The following RAB38 variants were observed in gnomAD, a reference collection of about 807,000 sequenced individuals.
RAB38 encodes RAB38, member RAS oncogene family, also known as ras-related protein Rab-38.
In RAB38, 15 loss-of-function variants were observed where a neutral mutation model predicts 18.4. That is an observed-to-expected ratio of 0.82 (90% CI 0.55 to 1.26). The LOEUF (loss-of-function observed/expected upper bound fraction) is 1.26. Among genes scored for constraint, RAB38 ranks in the 50% most tolerant of loss-of-function variants. The probability of loss-of-function intolerance (pLI) is 0.00; values close to 1 mark genes in which losing one functional copy is unlikely to be tolerated. For missense variants in RAB38, 294 were observed against 267.4 expected, an observed-to-expected ratio of 1.10 and a Z score of -0.69; for synonymous variants, 101 against 104.4, an observed-to-expected ratio of 0.97 and a Z score of 0.20.
At chr11:87,938,619 G>GTTTT in the RAB38 span, among the ~76,000 whole-genome samples, 196 of 99,824 alleles carry the variant, frequency 2.0e-3, 1 homozygote, top group African/African-American at 7.3e-3. Context: ...GCTCTTTTCC[G>GTTTT]TTTTTTTTTT....
At chr11:87,889,337 T>C in the RAB38 span, among the ~76,000 whole-genome samples, 1 of 151,894 alleles carries the variant, frequency 6.6e-6, no homozygotes, top group Non-Finnish European at 1.5e-5. Context: ...CCAAACCACA[T>C]GTGCTGTTCT....
At chr11:87,926,103 C>T in the RAB38 span, among the ~76,000 whole-genome samples, 1 of 151,490 alleles carries the variant, frequency 6.6e-6, no homozygotes. Flanking sequence ...AGTGTTAGCA[C>T]GGAGTTAGTT....
At chr11:88,024,335 C>T in the RAB38 span, among the ~76,000 whole-genome samples, 3 of 152,080 alleles carry the variant, frequency 2.0e-5, no homozygotes, top group Non-Finnish European at 4.4e-5. Context: ...CTATAATGAA[C>T]TATCACCTCA....
chr11:88,048,217 T>C, the RAB38 span, among the ~76,000 whole-genome samples: 1 of 152,144 alleles, frequency 6.6e-6, no homozygotes, highest in African/African-American at 2.4e-5. Flanking sequence ...GGGTAGACAC[T>C]TTCACTGGAT....
the RAB38 span, among the ~76,000 whole-genome samples, chr11:88,088,598 G>A: frequency 6.6e-6 from 1 of 151,834 alleles, no homozygotes; most frequent in African/African-American, 2.4e-5. Flanking sequence ...ATTTAAATCT[G>A]GCTTAGATTT....
the RAB38 span, among the ~76,000 whole-genome samples, chr11:88,024,467 C>G: frequency 6.6e-6 from 1 of 152,178 alleles, no homozygotes; most frequent in East Asian, 1.9e-4. Flanking sequence ...CTATGAAGAA[C>G]ACTTTAGAGG....
At chr11:88,115,769 C>T (rs1264011468) in intron 2 of RAB38, 1 of 152,156 alleles carries the variant, frequency 6.6e-6, no homozygotes, top group Non-Finnish European at 1.5e-5. Context: ...ATTTGCTTCC[C>T]TTGACAGAGT....
the RAB38 span, among the ~76,000 whole-genome samples, chr11:88,049,172 C>A: frequency 6.6e-6 from 1 of 152,068 alleles, no homozygotes; most frequent in African/African-American, 2.4e-5. Flanking sequence ...ATTTTCACCG[C>A]CCCAACACTT....
the RAB38 span, among the ~76,000 whole-genome samples, chr11:88,012,846 T>C: frequency 1.3e-5 from 2 of 152,170 alleles, no homozygotes; most frequent in South Asian, 2.1e-4. Flanking sequence ...ACTACACTAG[T>C]GGAAAAAATT....
At chr11:87,919,672 G>C in the RAB38 span, among the ~76,000 whole-genome samples, 1 of 151,916 alleles carries the variant, frequency 6.6e-6, no homozygotes, top group South Asian at 2.1e-4. Context: ...GTTTGAGAAA[G>C]ACTGGTATTA....
the RAB38 span, among the ~76,000 whole-genome samples, chr11:87,916,649 T>G: frequency 6.6e-6 from 1 of 152,184 alleles, no homozygotes; most frequent in East Asian, 1.9e-4. Flanking sequence ...TCAAGTATTC[T>G]GTTATAGCAA....
At chr11:87,904,093 T>C in the RAB38 span, among the ~76,000 whole-genome samples, 1 of 151,702 alleles carries the variant, frequency 6.6e-6, no homozygotes, top group Non-Finnish European at 1.5e-5. Flanking sequence ...TGGTTTACAG[T>C]TTTAAATTTC....
chr11:87,906,450 ATTG>A, the RAB38 span, among the ~76,000 whole-genome samples: 1 of 151,918 alleles, frequency 6.6e-6, no homozygotes, highest in Non-Finnish European at 1.5e-5. Context: ...ACTCTTTATA[ATTG>A]TTGTGAGGTT....
At chr11:87,945,912 G>T in the RAB38 span, among the ~76,000 whole-genome samples, 1 of 152,068 alleles carries the variant, frequency 6.6e-6, no homozygotes, top group East Asian at 1.9e-4. Context: ...ACTATGACAG[G>T]CTCTTCAGAT....
the RAB38 span, among the ~76,000 whole-genome samples, chr11:88,004,051 G>T: frequency 9.3e-5 from 13 of 139,440 alleles, no homozygotes; most frequent in African/African-American, 2.9e-4. Context: ...ATGGGAGAAG[G>T]TATATATATA....
the RAB38 span, among the ~76,000 whole-genome samples, chr11:87,893,390 A>ATATATATATATATATATATATATATTT: frequency 4.3e-5 from 4 of 93,914 alleles, no homozygotes; most frequent in East Asian, 3.3e-4. Flanking sequence ...ATATATATAT[A>ATATATATATATATATATATATATATTT]TTTTTTTTTT....
the RAB38 span, among the ~76,000 whole-genome samples, chr11:88,035,083 TGAG>T: frequency 2.0e-5 from 3 of 152,334 alleles, no homozygotes; most frequent in South Asian, 6.2e-4. Flanking sequence ...TTAACAATGT[TGAG>T]GACATTTCTC....
At chr11:88,032,676 G>A in the RAB38 span, among the ~76,000 whole-genome samples, 1 of 152,182 alleles carries the variant, frequency 6.6e-6, no homozygotes, top group Non-Finnish European at 1.5e-5. Flanking sequence ...ACCACAATGA[G>A]ATACCATCTC....
rs1332416705 is a variant in RAB38 at position 88,175,314 on chromosome 11, C to T, written c.71G>A (p.Ser24Asn). Residue 24 changes from serine (S) to asparagine (N), a missense_variant, in exon 1 of 3, where the codon AGT (serine) becomes AAT (asparagine). Transcript: ENST00000243662. The part of the protein sequence containing the change: ...VIGDLGVGKT[S>N]IIKRYVHQNF... The stretch of plus-strand genomic sequence containing the variant: ...CTGGTGCACGTAGCGCTTGATGATA[C>T]TGGTCTTCCCCACGCCCAGGTCGCC... 7.4e-6 allele frequency: 12 copies of T among 1,614,226 alleles called. No individual in the cohort carries two copies. The highest frequency in any genetic ancestry group is 1.0e-5 in the Non-Finnish European group (12 of 1,180,030).
Sources: gnomAD v4.1 joint callset for allele counts (sites outside exome capture counted in the v4.1 genomes callset) on GRCh38, gnomAD v4.1.1 for gene constraint, MANE v1.5 for transcripts, NCBI Gene and HGNC (gene_info 2026-07-23, HGNC 2026-07-21) for gene names.